Variants in EPHB1 observed in about 807,000 individuals in gnomAD.
The protein encoded by EPHB1 is EPH receptor B1, also known as ephrin type-B receptor 1.
In EPHB1, 30 loss-of-function variants were observed where a neutral mutation model predicts 94.4. The ratio of observed to expected loss-of-function variants is 0.32; its 90% CI spans 0.24 to 0.43. EPHB1 has a LOEUF of 0.43. EPHB1 is among the 20% of genes least tolerant of loss of function. The probability of loss-of-function intolerance (pLI) is 1.00; values close to 1 mark genes in which losing one functional copy is unlikely to be tolerated. For missense variants in EPHB1, 1,055 were observed against 1,308.3 expected (o/e 0.81, Z 2.99); for synonymous variants, 522 against 489.1 (o/e 1.07, Z -0.89).
intron 12 of EPHB1, among the ~76,000 whole-genome samples, chr3:135,209,451 G>A (rs181331212): frequency 1.2e-4 from 18 of 152,314 alleles, no homozygotes; most frequent in Admixed American, 2.0e-4. Context: ...CTTAGAGGAT[G>A]CAATGAAAAG....
intron 3 of EPHB1, among the ~76,000 whole-genome samples, chr3:134,999,767 C>A (rs1187508794): frequency 6.6e-6 from 1 of 152,146 alleles, no homozygotes; most frequent in Non-Finnish European, 1.5e-5. Context: ...TACCAGAGAG[C>A]CTATAAAGCG....
intron 3 of EPHB1, among the ~76,000 whole-genome samples, chr3:134,966,833 G>A (rs747411806): frequency 3.9e-5 from 6 of 152,384 alleles, no homozygotes; most frequent in South Asian, 2.1e-4. Flanking sequence ...CGGTGCTGAA[G>A]TGCTTGCCCA....
intron 2 of EPHB1, among the ~76,000 whole-genome samples, chr3:134,929,538 A>G (rs988960665): frequency 1.3e-5 from 2 of 152,178 alleles, no homozygotes; most frequent in Non-Finnish European, 1.5e-5. Context: ...ACAGGAAAAA[A>G]TGGCAGGACT....
intron 3 of EPHB1, among the ~76,000 whole-genome samples, chr3:135,092,199 G>A (rs1938580562): frequency 6.6e-6 from 1 of 152,152 alleles, no homozygotes; most frequent in Admixed American, 6.5e-5. Flanking sequence ...ACTGGGCCTT[G>A]GGAGGGGACA....
chr3:134,824,125 C>CTTTTTTTTTT (rs373504139), intron 1 of EPHB1, among the ~76,000 whole-genome samples: 18 of 100,754 alleles, frequency 1.8e-4, no homozygotes, highest in East Asian at 3.2e-4. Flanking sequence ...GGATAATGCC[C>CTTTTTTTTTT]TTTTTTTTTT....
intron 3 of EPHB1, among the ~76,000 whole-genome samples, chr3:134,992,767 G>T (rs371419266): frequency 6.6e-6 from 1 of 152,180 alleles, no homozygotes; most frequent in Non-Finnish European, 1.5e-5. Flanking sequence ...GGCAAGGCCT[G>T]TGTCATTCAC....
intron 5 of EPHB1, among the ~76,000 whole-genome samples, chr3:135,136,862 A>G (rs1003106297): frequency 6.6e-6 from 1 of 152,194 alleles, no homozygotes; most frequent in Admixed American, 6.5e-5. Context: ...TGCACTGAAT[A>G]CAGCTGCCAT....
chr3:134,821,658 C>T lies in EPHB1; in HGVS notation c.58+25969C>T, dbSNP rs74860311. On this transcript the variant is annotated intron_variant, in intron 1 of 15. Transcript: ENST00000398015. ...GAAGAAAAATGCAGAAGAAAACACT[C>T]CCAAACCATAGGCGATGAAGGGCAG... Among the ~76,000 whole-genome samples, 559 of 152,278 alleles carry T rather than the reference C, an allele frequency of 3.7e-3. 3 individuals are homozygous for T. The highest frequency in any genetic ancestry group is 0.012 in the African/African-American group (497 of 41,544).
At chr3:134,915,910 G>A (rs545145658) in intron 1 of EPHB1, among the ~76,000 whole-genome samples, 9 of 152,288 alleles carry the variant, frequency 5.9e-5, no homozygotes, top group Non-Finnish European at 8.8e-5. Flanking sequence ...GAGGGGACCC[G>A]AATGGGTTGC....
intron 10 of EPHB1, among the ~76,000 whole-genome samples, chr3:135,188,025 C>G (rs536429553): frequency 1.0e-4 from 15 of 146,282 alleles, no homozygotes; most frequent in African/African-American, 3.5e-4. Flanking sequence ...ATGGAGAAAC[C>G]CTGTCTCTAC....
At position 134,876,366 on chromosome 3, in the gene EPHB1, A is replaced by G. The variant is rs1441728634; in HGVS notation, c.59-49450A>G. Among the ~76,000 whole-genome samples the G allele has an allele frequency of 2.6e-5, 4 of 152,312 alleles. No homozygotes were observed. The East Asian group carries it at 7.7e-4, about 29-fold the overall frequency. On this transcript the variant is annotated intron_variant, in intron 1 of 15. Coordinates refer to ENST00000398015, the MANE Select transcript of EPHB1 (RefSeq NM_004441.5). ...AGGGCTCAGCCTCTGTAGAGTTGCAAGTGATGGAAATTCAACTCAAAACAG... is the reference window on the plus strand; with the variant it reads ...AGGGCTCAGCCTCTGTAGAGTTGCAGGTGATGGAAATTCAACTCAAAACAG...
chr3:135,172,569 T>C lies in EPHB1; in HGVS notation c.1759+5563T>C, dbSNP rs144761884. 4.0e-4 allele frequency among the ~76,000 whole-genome samples: 61 copies of C among 152,320 alleles called. 1 individual carries two copies. The highest frequency in any genetic ancestry group is 1.4e-3 in the African/African-American group (59 of 41,566). ...GTTTCTGGATTCTGGGTGGTGTCTG[T>C]ATTTCAGAACTGCAAGGGACACAGC... On this transcript the variant is annotated intron_variant, in intron 9 of 15. Transcript: ENST00000398015.
chr3:135,073,397 A>G (rs897198648), intron 3 of EPHB1, among the ~76,000 whole-genome samples: 2 of 152,226 alleles, frequency 1.3e-5, no homozygotes, highest in African/African-American at 2.4e-5. Context: ...AGAGAGTTGT[A>G]TAGCAAACTC....
intron 13 of EPHB1, among the ~76,000 whole-genome samples, chr3:135,242,319 C>T (rs1204693753): frequency 6.6e-6 from 1 of 152,170 alleles, no homozygotes; most frequent in Non-Finnish European, 1.5e-5. Context: ...AAAGAATGGT[C>T]CCCAGTTCAG....
rs145014514 is a variant in EPHB1, at chr3:135,134,033, G to A, written c.1297+984G>A. Among the ~76,000 whole-genome samples, 635 of 152,338 alleles carry A rather than the reference G, an allele frequency of 4.2e-3. 3 individuals are homozygous for A. The highest frequency in any genetic ancestry group is 0.014 in the African/African-American group (599 of 41,572). ...AAAGCACAAAGCTGCAAGGTAAAATGCTATATGCATGCAGTAAATACCAAG... is the reference window on the plus strand; with the variant it reads ...AAAGCACAAAGCTGCAAGGTAAAATACTATATGCATGCAGTAAATACCAAG... On this transcript the variant is annotated intron_variant, in intron 5 of 15. Transcript: ENST00000398015.
intron 1 of EPHB1, among the ~76,000 whole-genome samples, chr3:134,919,499 G>A (rs556493145): frequency 6.6e-6 from 1 of 152,296 alleles, no homozygotes; most frequent in East Asian, 1.9e-4. Flanking sequence ...GAGATTACAG[G>A]GAGACCAGCC....
At chr3:134,797,120 G>C (rs2035845100) in intron 1 of EPHB1, among the ~76,000 whole-genome samples, 1 of 152,198 alleles carries the variant, frequency 6.6e-6, no homozygotes, top group Non-Finnish European at 1.5e-5. Flanking sequence ...TGCCTAGAAA[G>C]CTCTCGCTTG....
At chr3:135,116,338 A>G (rs1939708708) in intron 4 of EPHB1, among the ~76,000 whole-genome samples, 1 of 152,192 alleles carries the variant, frequency 6.6e-6, no homozygotes, top group East Asian at 1.9e-4. Context: ...TCTCTACCCC[A>G]TCACAATGTG....
intron 1 of EPHB1, among the ~76,000 whole-genome samples, chr3:134,878,103 C>G (rs1355216920): frequency 6.6e-6 from 1 of 152,218 alleles, no homozygotes; most frequent in Non-Finnish European, 1.5e-5. Context: ...TTTTCCAACC[C>G]CAGCTGAGGA....
Sources: allele counts gnomAD v4.1 joint callset (sites outside exome capture counted in the v4.1 genomes callset), GRCh38; gene constraint gnomAD v4.1.1; transcripts MANE v1.5; gene names NCBI Gene and HGNC (gene_info 2026-07-23, HGNC 2026-07-21).